The following SLC25A33 variants were observed in gnomAD, a reference collection of about 807,000 sequenced individuals.
SLC25A33 encodes the protein solute carrier family 25 member 33.
A neutral mutation model predicts 35.5 loss-of-function variants in SLC25A33; 15 were observed. The observed-to-expected ratio is 0.42, with a 90% CI of 0.28 to 0.65. SLC25A33 has a LOEUF of 0.65. SLC25A33 is among the 30% of genes least tolerant of loss of function. The pLI, the probability that SLC25A33 is intolerant of heterozygous loss-of-function variation, is 0.20. For synonymous variants in SLC25A33, 136 were observed against 148.7 expected (o/e 0.91, Z 0.62); for missense variants, 257 against 398.5 (o/e 0.64, Z 3.02).
chr1:9,539,728 CT>C lies in SLC25A33; in HGVS notation c.39del (p.His14ThrfsTer19), dbSNP rs1279750252. 3.6e-6 allele frequency: 5 copies of C among 1,407,412 alleles called. No individual in the cohort carries two copies. The highest frequency in any genetic ancestry group is 1.5e-5 in the African/African-American group (1 of 66,460). The allele number at this position is 1,407,412 out of a possible 1,614,324, so 87.2% of individuals were successfully genotyped here. On this transcript the variant is annotated frameshift_variant, in exon 1 of 7. Transcript: ENST00000302692. LOFTEE classifies it high-confidence loss of function. ...TGGQQKENTL[L>X]HLFAGGCGGT... ...CGGCCAGCAGAAGGAGAACACGCTG[CT>C]TCACCTCTTCGCCGGCGGGTGAGTT... is the stretch of plus-strand genomic sequence containing the variant.
At chr1:9,565,147 A>G (rs1285911549) in intron 2 of SLC25A33, among the ~76,000 whole-genome samples, 2 of 152,136 alleles carry the variant, frequency 1.3e-5, no homozygotes, top group African/African-American at 4.8e-5. Context: ...TTCAGTTTGA[A>G]AAGATGAAAA....
rs1557526493 is a variant in SLC25A33 at position 9,553,216 on chromosome 1, T to G, written c.57-410T>G. On this transcript the variant is annotated intron_variant, in intron 1 of 6. Coordinates refer to ENST00000302692, the MANE Select transcript of SLC25A33 (RefSeq NM_032315.3). Reference sequence around the variant, plus strand: ...TGTTCTAGTTTTGTTTTTTTTTTTTTTTTTTTTTTTTGGGTTTTTTTTTTG... The same window carrying G: ...TGTTCTAGTTTTGTTTTTTTTTTTTGTTTTTTTTTTTGGGTTTTTTTTTTG... Among the ~76,000 whole-genome samples, 79 of 137,712 alleles carry G rather than the reference T, an allele frequency of 5.7e-4. 1 individual carries two copies. The highest frequency in any genetic ancestry group is 1.4e-3 in the African/African-American group (52 of 36,332). 90.3% of individuals were successfully genotyped at this position (137,712 alleles called of 152,430 possible). A position where few individuals can be genotyped will look rare whatever the true frequency, so the allele number is the denominator to read the frequency against.
In SLC25A33 at chr1:9,582,505, G is replaced by C. The variant is rs188152435; in HGVS notation, c.*4G>C. On this transcript the variant is annotated 3_prime_UTR_variant, in exon 7 of 7. Transcript: ENST00000302692. This position sits in a 1 kb window ranked among gnomAD's most constrained non-coding sequence, Gnocchi z 4.0. ...GTTAGAAGACCGTACTCAGTAACAGGCCGGAAAATTGTGCTCTAGAAGAAT... is the reference window on the plus strand; with the variant it reads ...GTTAGAAGACCGTACTCAGTAACAGCCCGGAAAATTGTGCTCTAGAAGAAT... 342 of 1,607,852 alleles carry C rather than the reference G, an allele frequency of 2.1e-4. No individual in the cohort carries two copies. The African/African-American group carries it at 4.0e-3, about 19-fold the overall frequency.
chr1:9,540,418 T>C (rs933719569), intron 1 of SLC25A33, among the ~76,000 whole-genome samples: 3 of 152,160 alleles, frequency 2.0e-5, no homozygotes, highest in African/African-American at 7.2e-5. Flanking sequence ...TTTTGAAAGC[T>C]GCATTAGGTC....
chr1:9,544,558 C>T (rs903782062), intron 1 of SLC25A33, among the ~76,000 whole-genome samples: 17 of 152,084 alleles, frequency 1.1e-4, no homozygotes, highest in Admixed American at 8.5e-4. Context: ...CGTGAGCCAC[C>T]GAGCCCAGGC....
At chr1:9,562,691 C>G (rs1341633205) in intron 2 of SLC25A33, among the ~76,000 whole-genome samples, 1 of 151,590 alleles carries the variant, frequency 6.6e-6, no homozygotes, top group East Asian at 2.0e-4. Flanking sequence ...CCTGTCTCTA[C>G]TAAAAATACA....
chr1:9,555,361 G>A (rs577446977), intron 2 of SLC25A33, among the ~76,000 whole-genome samples: 7 of 151,974 alleles, frequency 4.6e-5, no homozygotes, highest in East Asian at 1.9e-4. Context: ...CTCGTGATCC[G>A]CCCACCTTGA....
chr1:9,576,525 C>A, intron 5 of SLC25A33: 1 of 531,914 alleles, frequency 1.9e-6, no homozygotes, highest in South Asian at 1.4e-5. Flanking sequence ...CCAGAGGAAC[C>A]ATGCAGAGGG....
intron 1 of SLC25A33, among the ~76,000 whole-genome samples, chr1:9,550,159 C>G (rs1419266728): frequency 6.7e-6 from 1 of 148,452 alleles, no homozygotes; most frequent in Non-Finnish European, 1.5e-5. Context: ...CACCACCATG[C>G]CTGACTAATT....
intron 5 of SLC25A33, among the ~76,000 whole-genome samples, chr1:9,577,956 C>T (rs911954822): frequency 3.3e-5 from 5 of 152,170 alleles, no homozygotes; most frequent in African/African-American, 1.2e-4. Flanking sequence ...CAGAGTCTTA[C>T]TCTGTTGTCC....
chr1:9,546,832 G>A (rs1203623330), intron 1 of SLC25A33, among the ~76,000 whole-genome samples: 4 of 152,146 alleles, frequency 2.6e-5, no homozygotes, highest in Non-Finnish European at 4.4e-5. Context: ...GTGTCACCAG[G>A]AGGGGCCCAC....
chr1:9,548,792 C>T (rs918297978), intron 1 of SLC25A33, among the ~76,000 whole-genome samples: 1 of 152,106 alleles, frequency 6.6e-6, no homozygotes, highest in African/African-American at 2.4e-5. Flanking sequence ...ATGTAACTGG[C>T]GGTTGAATAT....
At chr1:9,561,246 TTTTTG>T (rs1643420363) in intron 2 of SLC25A33, among the ~76,000 whole-genome samples, 1 of 152,164 alleles carries the variant, frequency 6.6e-6, no homozygotes, top group South Asian at 2.1e-4. Flanking sequence ...CGCAGCCCTC[TTTTTG>T]TTTTTTCAAG....
At chr1:9,539,825 TCCCGCGGC>T (rs1482902096) in intron 1 of SLC25A33, 78 bp downstream of exon 1, 79 of 1,215,688 alleles carry the variant, frequency 6.5e-5, no homozygotes, top group Middle Eastern at 3.2e-4. Context: ...GGCCCCAGCC[TCCCGCGGC>T]GGTTACCGGC....
chr1:9,548,746 C>A (rs1246460856), intron 1 of SLC25A33, among the ~76,000 whole-genome samples: 1 of 152,130 alleles, frequency 6.6e-6, no homozygotes, highest in African/African-American at 2.4e-5. Context: ...CAGATTAGTC[C>A]ATTTTCCAAC....
intron 5 of SLC25A33, chr1:9,577,006 A>C (rs1044596216): frequency 3.6e-5 from 35 of 976,740 alleles, no homozygotes. Flanking sequence ...TTGTCCCGCT[A>C]CAGAAACAAC....
intron 2 of SLC25A33, chr1:9,556,335 A>G (rs1643341208): frequency 1.3e-6 from 1 of 782,828 alleles, no homozygotes; most frequent in Non-Finnish European, 1.5e-6. Context: ...GATTTACTGT[A>G]ACTGGGGAAC....
intron 3 of SLC25A33, 53 bp from the exon 4 acceptor site, chr1:9,570,205 G>A (rs1434380003): frequency 1.3e-5 from 20 of 1,483,068 alleles, no homozygotes; most frequent in South Asian, 4.7e-5. Flanking sequence ...CTGGAGGGAC[G>A]TATAAAGTTG....
At position 9,555,408 on chromosome 1, in the gene SLC25A33, G is replaced by A. The variant is rs146566328; in HGVS notation, c.236+1603G>A. On this transcript the variant is annotated intron_variant, in intron 2 of 6. Transcript: ENST00000302692. Reference sequence around the variant, plus strand: ...GTTGGGATTACAGGCGTGAGCCACCGCACCCAGCCACATTTAGCACTTTTA... The same window carrying A: ...GTTGGGATTACAGGCGTGAGCCACCACACCCAGCCACATTTAGCACTTTTA... Among the ~76,000 whole-genome samples, 1,384 of 152,112 alleles carry A rather than the reference G, an allele frequency of 9.1e-3. 11 individuals carry two copies. The highest frequency in any genetic ancestry group is 0.015 in the Admixed American group (228 of 15,276).
Sources: allele counts gnomAD v4.1 joint callset (sites outside exome capture counted in the v4.1 genomes callset), GRCh38; gene constraint gnomAD v4.1.1; non-coding constraint Gnocchi (gnomAD v3.1); transcripts MANE v1.5; gene names NCBI Gene and HGNC (gene_info 2026-07-23, HGNC 2026-07-21).